Variants in TSPAN5 observed in about 807,000 individuals in gnomAD.
The protein encoded by TSPAN5 is tetraspanin-5.
A neutral mutation model predicts 37.1 loss-of-function variants in TSPAN5; 10 were observed. The observed-to-expected ratio is 0.27, with a 90% CI of 0.17 to 0.46. The LOEUF is 0.46. Among genes scored for constraint, TSPAN5 ranks in the 20% least tolerant of loss-of-function variants. The probability of loss-of-function intolerance (pLI) is 1.00; values close to 1 mark genes in which losing one functional copy is unlikely to be tolerated. For synonymous variants in TSPAN5, 110 were observed against 118.9 expected (o/e 0.93, Z 0.48); for missense variants, 195 against 326.6 (o/e 0.60, Z 3.11).
chr4:98,648,270 C>G (rs1473447559), intron 1 of TSPAN5, among the ~76,000 whole-genome samples: 1 of 152,184 alleles, frequency 6.6e-6, no homozygotes, highest in Non-Finnish European at 1.5e-5. Context: ...ACAAACTGAG[C>G]ATAGTCAGGG....
At chr4:98,580,318 C>G (rs994645326) in intron 1 of TSPAN5, among the ~76,000 whole-genome samples, 1 of 152,188 alleles carries the variant, frequency 6.6e-6, no homozygotes, top group Non-Finnish European at 1.5e-5. Context: ...CTGACCCCAA[C>G]AAAACAGTTC....
intron 1 of TSPAN5, among the ~76,000 whole-genome samples, chr4:98,637,245 C>G (rs1756875608): frequency 6.6e-6 from 1 of 152,214 alleles, no homozygotes; most frequent in African/African-American, 2.4e-5. Context: ...TGCACAACTC[C>G]AGGGAGCATC....
rs1304139475 is a variant in TSPAN5 at position 98,556,050 on chromosome 4, C to T, written c.82-48322G>A. 5.6e-5 allele frequency among the ~76,000 whole-genome samples: 7 copies of T among 124,434 alleles called. 1 individual carries two copies. Among genetic ancestry groups the T allele is most frequent in the Non-Finnish European group, 1.2e-4 (7 of 56,584 alleles). 81.6% of individuals were successfully genotyped at this position (124,434 alleles called of 152,430 possible). ...CACACACACAGCACCCCCACACACACACACACACACACACAGGTAGGAATG... is the reference window on the plus strand; with the variant it reads ...CACACACACAGCACCCCCACACACATACACACACACACACAGGTAGGAATG... On this transcript the variant is annotated intron_variant, in intron 1 of 7. Coordinates refer to ENST00000305798, the MANE Select transcript of TSPAN5 (RefSeq NM_005723.4).
intron 1 of TSPAN5, among the ~76,000 whole-genome samples, chr4:98,625,841 G>GAA (rs11330260): frequency 1.7e-4 from 26 of 148,870 alleles, no homozygotes; most frequent in South Asian, 8.4e-4. Flanking sequence ...TCTTCTCTTG[G>GAA]AAAAAAAAAA....
chr4:98,510,374 T>C (rs1466197145), intron 1 of TSPAN5, among the ~76,000 whole-genome samples: 1 of 151,942 alleles, frequency 6.6e-6, no homozygotes, highest in Non-Finnish European at 1.5e-5. Flanking sequence ...CATATATTCC[T>C]CCCCCAGCAA....
intron 1 of TSPAN5, among the ~76,000 whole-genome samples, chr4:98,611,900 G>A (rs931994090): frequency 6.6e-6 from 1 of 152,212 alleles, no homozygotes; most frequent in Non-Finnish European, 1.5e-5. Flanking sequence ...GTGGCGAGTG[G>A]GCTGCATTTC....
chr4:98,613,869 C>G (rs910194510), intron 1 of TSPAN5, among the ~76,000 whole-genome samples: 6 of 152,190 alleles, frequency 3.9e-5, no homozygotes, highest in East Asian at 3.9e-4. Context: ...GATTCCCCCC[C>G]CAAAATGACT....
At chr4:98,613,455 G>A (rs1756248597) in intron 1 of TSPAN5, among the ~76,000 whole-genome samples, 1 of 152,114 alleles carries the variant, frequency 6.6e-6, no homozygotes, top group Non-Finnish European at 1.5e-5. Flanking sequence ...TTTTGCAAAT[G>A]AACAAGAATC....
At chr4:98,617,100 A>G (rs549212735) in intron 1 of TSPAN5, among the ~76,000 whole-genome samples, 50 of 152,338 alleles carry the variant, frequency 3.3e-4, no homozygotes, top group African/African-American at 1.2e-3. Context: ...CTGGGATTAG[A>G]GCTCACAGAA....
chr4:98,508,497 G>A (rs1753526108), intron 1 of TSPAN5, among the ~76,000 whole-genome samples: 1 of 151,792 alleles, frequency 6.6e-6, no homozygotes, highest in South Asian at 2.1e-4. Flanking sequence ...TGATAACCAG[G>A]AGGGCTTTCC....
At chr4:98,609,891 A>T (rs1756140544) in intron 1 of TSPAN5, among the ~76,000 whole-genome samples, 1 of 152,202 alleles carries the variant, frequency 6.6e-6, no homozygotes. Flanking sequence ...AAGGTAAGTC[A>T]GAGGCTGCCT....
intron 1 of TSPAN5, among the ~76,000 whole-genome samples, chr4:98,563,804 C>T (rs920402801): frequency 1.3e-5 from 2 of 152,158 alleles, no homozygotes; most frequent in African/African-American, 4.8e-5. Flanking sequence ...CCTGAGAGGA[C>T]ATTCGATAAC....
chr4:98,484,486 G>T (rs1229003792), intron 3 of TSPAN5: 1 of 455,782 alleles, frequency 2.2e-6, no homozygotes, highest in Admixed American at 2.4e-5. Flanking sequence ...AGTCTTAAAA[G>T]CCAAGAAACA....
rs1308654194 is a variant in TSPAN5 at position 98,658,457 on chromosome 4, G to A, written c.-231C>T. 3.4e-6 allele frequency: 1 copy of A among 291,030 alleles called. No individual in the cohort carries two copies. Among genetic ancestry groups the A allele is most frequent in the Non-Finnish European group, 6.3e-6 (1 of 159,416 alleles). The allele number at this position is 291,030 out of a possible 1,614,324, so 18.0% of individuals were successfully genotyped here. ...GCCGGGGTGGCCGCGAGAAAGCAGG[G>A]AAGCCGCGCGCTGCAAGCTCAAGCC... On this transcript the variant is annotated 5_prime_UTR_variant, in exon 1 of 8. Coordinates refer to ENST00000305798, the MANE Select transcript of TSPAN5 (RefSeq NM_005723.4).
intron 1 of TSPAN5, among the ~76,000 whole-genome samples, chr4:98,587,046 G>C (rs1346639398): frequency 6.6e-6 from 1 of 152,250 alleles, no homozygotes; most frequent in Non-Finnish European, 1.5e-5. Context: ...GGTGAGGGCT[G>C]AGGGAGAGCA....
chr4:98,527,485 T>C (rs1753985876), intron 1 of TSPAN5, among the ~76,000 whole-genome samples: 1 of 152,208 alleles, frequency 6.6e-6, no homozygotes, highest in Admixed American at 6.5e-5. Context: ...TATTTCTCAA[T>C]AGCTATATTA....
At chr4:98,536,691 T>C (rs778986735) in intron 1 of TSPAN5, among the ~76,000 whole-genome samples, 27 of 152,250 alleles carry the variant, frequency 1.8e-4, no homozygotes, top group Non-Finnish European at 7.3e-5. Context: ...TCAGAGATCC[T>C]CTGCCCAGAG....
intron 2 of TSPAN5, among the ~76,000 whole-genome samples, chr4:98,491,012 A>G (rs1471266849): frequency 6.6e-6 from 1 of 152,046 alleles, no homozygotes; most frequent in Admixed American, 6.5e-5. Flanking sequence ...CAGTGAGCCG[A>G]TATCGCACCA....
At chr4:98,543,274 T>C (rs987511529) in intron 1 of TSPAN5, among the ~76,000 whole-genome samples, 6 of 152,172 alleles carry the variant, frequency 3.9e-5, no homozygotes, top group African/African-American at 1.2e-4. Context: ...TGTTCTCGCA[T>C]CGTGGATGTG....
Sources: allele counts gnomAD v4.1 joint callset (sites outside exome capture counted in the v4.1 genomes callset), GRCh38; gene constraint gnomAD v4.1.1; transcripts MANE v1.5; gene names NCBI Gene and HGNC (gene_info 2026-07-23, HGNC 2026-07-21).